The following CARD14 variants were observed in gnomAD, a reference collection of about 807,000 sequenced individuals.
CARD14 encodes the protein caspase recruitment domain family member 14, also known as caspase recruitment domain-containing protein 14.
Under a neutral mutation model 111.5 loss-of-function variants are expected in CARD14, and 107 were observed. The observed-to-expected ratio is 0.96, with a 90% CI of 0.82 to 1.13. CARD14 has a LOEUF of 1.13. Among genes scored for constraint, CARD14 ranks in the 50% most tolerant of loss-of-function variants. CARD14 has a pLI of 0.00. For synonymous variants in CARD14, 617 were observed against 579.6 expected (o/e 1.06, Z -0.93); for missense variants, 1,322 against 1,362.3 (o/e 0.97, Z 0.47).
At position 80,181,519 on chromosome 17, in the gene CARD14, C is replaced by T. The variant is rs1358674386; in HGVS notation, c.81C>T (p.Arg27=). ...TGTGGGAGATGATGGAGAGCCACCGCCACAGGATCGTACGCTGCATCTGCC... is the reference window on the plus strand; with the variant it reads ...TGTGGGAGATGATGGAGAGCCACCGTCACAGGATCGTACGCTGCATCTGCC... The part of the protein sequence containing the change: ...ETLWEMMESH[R]HRIVRCICPS... The change falls in exon 5 of 24, where the codon CGC becomes CGT. Residue 27 remains arginine (R), a synonymous_variant. Transcript: ENST00000648509. 1 of 1,590,148 alleles carries T rather than the reference C, an allele frequency of 6.3e-7. No homozygotes were observed. Among genetic ancestry groups the T allele is most frequent in the South Asian group, 1.1e-5 (1 of 87,234 alleles).
At chr17:80,193,691 C>T (rs776753557) in intron 12 of CARD14, among the ~76,000 whole-genome samples, 6 of 152,198 alleles carry the variant, frequency 3.9e-5, no homozygotes, top group Non-Finnish European at 5.9e-5. Context: ...GAGCAGCAGG[C>T]CCAGGCTCAC....
chr17:80,199,768 CAGGA>C (rs2040875740), intron 16 of CARD14, among the ~76,000 whole-genome samples: 1 of 150,662 alleles, frequency 6.6e-6, no homozygotes, highest in Non-Finnish European at 1.5e-5. Context: ...CCCAGCTACT[CAGGA>C]GGCTGAGGCA....
chr17:80,209,299 T>G lies in CARD14; in HGVS notation c.*954T>G. ...AATGAGTTCAGAAAAAGAACTTCTG[T>G]ATATTTTACTAAAATAAAAAGCTTT... On this transcript the variant is annotated 3_prime_UTR_variant, in exon 24 of 24. Coordinates refer to ENST00000648509, the MANE Select transcript of CARD14 (RefSeq NM_001366385.1). 1 of 984,730 alleles carries G rather than the reference T, an allele frequency of 1.0e-6. No homozygotes were observed. Among genetic ancestry groups the G allele is most frequent in the Non-Finnish European group, 1.2e-6 (1 of 829,296 alleles). The allele number at this position is 984,730 out of a possible 1,614,324, so 61.0% of individuals were successfully genotyped here.
chr17:80,184,746 TCC>T (rs1567873688), intron 7 of CARD14, among the ~76,000 whole-genome samples: 1 of 1,354 alleles, frequency 7.4e-4, no homozygotes, highest in Non-Finnish European at 2.0e-3. Flanking sequence ...TCCTCCTTTG[TCC>T]TTCTCAGCTG....
chr17:80,180,585 T>G (rs576528880), intron 4 of CARD14, among the ~76,000 whole-genome samples: 30 of 152,328 alleles, frequency 2.0e-4, no homozygotes, highest in South Asian at 1.7e-3. Flanking sequence ...AACTTTTTTT[T>G]TTGTTTTTTT....
chr17:80,184,024 A>G lies in CARD14; in HGVS notation c.461A>G (p.Gln154Arg). 1 of 1,586,070 alleles carries G rather than the reference A, an allele frequency of 6.3e-7. No individual in the cohort carries two copies. Among genetic ancestry groups the G allele is most frequent in the Non-Finnish European group, 8.6e-7 (1 of 1,165,852 alleles). Residue 154 changes from glutamine (Q) to arginine (R), a missense_variant, in exon 7 of 24, where the codon CAG becomes CGG. Gln to Arg is a conservative substitution (Grantham distance 43). Transcript: ENST00000648509. ...GQKEVLLRRC[Q>R]QLQEHLGLAE... is the part of the protein sequence containing the mutation. ...AAGGAGGTGCTGCTGCGGCGGTGCCAGCAGCTGCAGGAGCACCTGGGCCTG... is the reference window on the plus strand; with the variant it reads ...AAGGAGGTGCTGCTGCGGCGGTGCCGGCAGCTGCAGGAGCACCTGGGCCTG...
At chr17:80,180,256 G>C (rs892996735) in intron 4 of CARD14, among the ~76,000 whole-genome samples, 1 of 152,124 alleles carries the variant, frequency 6.6e-6, no homozygotes, top group African/African-American at 2.4e-5. Context: ...CTGTAACGGC[G>C]ACCTGCTTCG....
At chr17:80,202,108 T>G (rs1027952292) in intron 17 of CARD14, 72 bp from the exon 18 acceptor site, 1 of 1,409,720 alleles carries the variant, frequency 7.1e-7, no homozygotes, top group Non-Finnish European at 9.9e-7. Flanking sequence ...TCTCCTACTT[T>G]AATTTTCTGC....
At chr17:80,178,088 T>C (rs1037573373) in intron 2 of CARD14, among the ~76,000 whole-genome samples, 2 of 152,128 alleles carry the variant, frequency 1.3e-5, no homozygotes, top group Non-Finnish European at 2.9e-5. Flanking sequence ...CTGCCCTCGA[T>C]TGGTTCTCCT....
rs773117925 is a variant in CARD14 at position 80,205,047 on chromosome 17, G to A, written c.2411G>A (p.Cys804Tyr). 1.7e-5 allele frequency: 27 copies of A among 1,598,498 alleles called. No homozygotes were observed. In the African/African-American group the frequency reaches 2.8e-4, roughly 17 times the overall value. Residue 804 changes from cysteine to tyrosine, a missense_variant, in exon 21 of 24, where the codon TGC (cysteine) becomes TAC (tyrosine). Physicochemically the swap from Cys to Tyr is radical, Grantham distance 194. Coordinates refer to ENST00000648509, the MANE Select transcript of CARD14 (RefSeq NM_001366385.1). ...DPSRMEGSST[C>Y]FWAESCLTLV... ...CTCTCCTCCACAGGCTCCAGCACGT[G>A]CTTCTGGGCCGAGAGCTGCCTCACC...
chr17:80,191,051 C>G (rs1396715707), intron 10 of CARD14, 152 bp downstream of exon 10: 16 of 1,087,256 alleles, frequency 1.5e-5, no homozygotes, highest in East Asian at 2.5e-5. Flanking sequence ...AGTTTCTTCA[C>G]TCCTCCAGGC....
chr17:80,192,225 T>G (rs1598658732), intron 11 of CARD14: 1 of 290,142 alleles, frequency 3.4e-6, no homozygotes, highest in Non-Finnish European at 6.5e-6. Flanking sequence ...TGTATGTGTG[T>G]GTATTATACA....
At chr17:80,175,488 G>A (rs1474655474) in intron 2 of CARD14, among the ~76,000 whole-genome samples, 4 of 152,174 alleles carry the variant, frequency 2.6e-5, no homozygotes, top group Non-Finnish European at 5.9e-5. Context: ...GCGCCCACTG[G>A]TTGTCCTCTA....
In CARD14 at chr17:80,189,885, C is replaced by A. The variant is rs1334696926; in HGVS notation, c.963+13C>A. The A allele has an allele frequency of 1.3e-6, 2 of 1,591,024 alleles. No individual in the cohort carries two copies. The highest frequency in any genetic ancestry group is 1.1e-5 in the South Asian group (1 of 88,654). On this transcript the variant is annotated intron_variant, in intron 9 of 23. Coordinates refer to ENST00000648509, the MANE Select transcript of CARD14 (RefSeq NM_001366385.1). This position sits in a 1 kb window ranked among gnomAD's most constrained non-coding sequence, Gnocchi z 4.7. ...GCAGCGAGAGCAGGTGCCGTGTGAG[C>A]CCTTCCTCCCTTGTGACTCTCCTGG...
At chr17:80,173,318 A>ACGCG (rs767155054) in intron 2 of CARD14, 90 bp downstream of exon 2, 2 of 112,152 alleles carry the variant, frequency 1.8e-5, no homozygotes, top group African/African-American at 6.8e-5. Context: ...ACACACACAC[A>ACGCG]CACACACGCG....
chr17:80,198,481 G>A lies in CARD14; in HGVS notation c.1741G>A (p.Glu581Lys). 1.2e-6 allele frequency: 2 copies of A among 1,613,500 alleles called. No individual in the cohort carries two copies. Among genetic ancestry groups the A allele is most frequent in the Non-Finnish European group, 1.7e-6 (2 of 1,179,822 alleles). The change falls in exon 16 of 24, where the codon GAG becomes AAG. Residue 581 changes from glutamate to lysine, a missense_variant. Coordinates refer to ENST00000648509, the MANE Select transcript of CARD14 (RefSeq NM_001366385.1). This position sits in a 1 kb window ranked among gnomAD's most constrained non-coding sequence, Gnocchi z 7.5. ...MLAFQGDALLEQISVIGGNLT... is the reference protein window; with the variant it reads ...MLAFQGDALLKQISVIGGNLT... ...GGCGTTCCAGGGGGATGCATTGCTGGAGCAGATCAGCGTCATCGGCGGGAA... is the reference window on the plus strand; with the variant it reads ...GGCGTTCCAGGGGGATGCATTGCTGAAGCAGATCAGCGTCATCGGCGGGAA...
In CARD14 at chr17:80,205,082, T is replaced by C; in HGVS notation, c.2446T>C (p.Tyr816His). 2 of 1,612,816 alleles carry C rather than the reference T, an allele frequency of 1.2e-6. No homozygotes were observed. Among genetic ancestry groups the C allele is most frequent in the East Asian group, 2.2e-5 (1 of 44,870 alleles). Residue 816 changes from tyrosine (Y) to histidine (H), a missense_variant, in exon 21 of 24, where the codon TAT becomes CAT. Physicochemically the swap from Tyr to His is moderately conservative, Grantham distance 83 (BLOSUM62 2). Transcript: ENST00000648509. ...CGAGAGCTGCCTCACCCTGGTGCCC[T>C]ATACCCTGGTGCGGCCCCATCGACC... ...WAESCLTLVPYTLVRPHRPAR... is the reference protein window; with the variant it reads ...WAESCLTLVPHTLVRPHRPAR...
intron 22 of CARD14, among the ~76,000 whole-genome samples, chr17:80,206,371 T>A (rs2099251173): frequency 6.6e-6 from 1 of 152,182 alleles, no homozygotes; most frequent in Non-Finnish European, 1.5e-5. Context: ...CCCCACACTT[T>A]GGGAGGCCTA....
At chr17:80,171,783 C>A (rs964951709) in intron 1 of CARD14, among the ~76,000 whole-genome samples, 5 of 152,314 alleles carry the variant, frequency 3.3e-5, no homozygotes, top group African/African-American at 1.2e-4. Context: ...GCAGCTTTGG[C>A]TTGAGCTGCC....
Sources: allele counts gnomAD v4.1 joint callset (sites outside exome capture counted in the v4.1 genomes callset), GRCh38; gene constraint gnomAD v4.1.1; non-coding constraint Gnocchi (gnomAD v3.1); transcripts MANE v1.5; gene names NCBI Gene and HGNC (gene_info 2026-07-23, HGNC 2026-07-21).